The following TMPRSS2 variants were observed in gnomAD, a reference collection of about 807,000 sequenced individuals.
TMPRSS2 encodes transmembrane serine protease 2.
Under a neutral mutation model 67.4 loss-of-function variants are expected in TMPRSS2, and 59 were observed. The observed-to-expected ratio is 0.88, with a 90% CI of 0.71 to 1.09. The LOEUF (loss-of-function observed/expected upper bound fraction) is 1.09, where lower values mean the gene tolerates loss of function less well. TMPRSS2 is among the 50% of genes least tolerant of loss of function. The pLI, the probability that TMPRSS2 is intolerant of heterozygous loss-of-function variation, is 0.00. For synonymous variants in TMPRSS2, 257 were observed against 257.0 expected, an observed-to-expected ratio of 1.00 and a Z score of 0.00; for missense variants, 668 against 642.7, an observed-to-expected ratio of 1.04 and a Z score of -0.43.
chr21:41,476,921 T>C (rs745559613), intron 7 of TMPRSS2, among the ~76,000 whole-genome samples: 3 of 152,228 alleles, frequency 2.0e-5, no homozygotes, highest in East Asian at 1.9e-4. Flanking sequence ...ACAATAATGC[T>C]AGTTTTGTTT....
At chr21:41,500,773 C>G (rs966383385) in intron 1 of TMPRSS2, among the ~76,000 whole-genome samples, 1 of 152,200 alleles carries the variant, frequency 6.6e-6, no homozygotes, top group Non-Finnish European at 1.5e-5. Flanking sequence ...GTATCAAAAA[C>G]GTTTAAGCCT....
intron 3 of TMPRSS2, among the ~76,000 whole-genome samples, chr21:41,492,380 C>G (rs2091344892): frequency 6.6e-6 from 1 of 152,192 alleles, no homozygotes; most frequent in South Asian, 2.1e-4. Flanking sequence ...AAGGTTTAAG[C>G]TGTGTGTTCG....
intron 7 of TMPRSS2, among the ~76,000 whole-genome samples, chr21:41,477,372 G>T (rs1032821734): frequency 9.2e-5 from 14 of 152,264 alleles, no homozygotes; most frequent in Non-Finnish European, 1.9e-4. Flanking sequence ...ACAAAATCAC[G>T]ATCTGATGTC....
At chr21:41,476,882 G>A (rs1433627743) in intron 7 of TMPRSS2, among the ~76,000 whole-genome samples, 2 of 152,202 alleles carry the variant, frequency 1.3e-5, no homozygotes, top group Non-Finnish European at 2.9e-5. Flanking sequence ...AATTGTACCA[G>A]CTCCTAGGAC....
At position 41,478,082 on chromosome 21, in the gene TMPRSS2, C is replaced by G. The variant is rs946553972; in HGVS notation, c.683+1090G>C. On this transcript the variant is annotated intron_variant, in intron 7 of 13. Transcript: ENST00000332149. This position sits in a 1 kb window ranked among gnomAD's most constrained non-coding sequence, Gnocchi z 4.0. ...CCCAGAAAGACAAAGAACCACTCAG[C>G]ATTTACAAAGTGCCCAGGCAGCTGT... Among the ~76,000 whole-genome samples the G allele has an allele frequency of 6.6e-6, 1 of 152,254 alleles. No individual in the cohort carries two copies. Among genetic ancestry groups the G allele is most frequent in the African/African-American group, 2.4e-5 (1 of 41,468 alleles).
rs371006143 is a variant in TMPRSS2 at position 41,494,571 on chromosome 21, G to T, written c.23C>A (p.Pro8Gln). ...TTCATAGTAAGGTCCAATAGCTGGT[G>T]GTGACCCCTAAACAGTTGAAAAGAA... MALNSGS[P>Q]PAIGPYYENH... The change falls in exon 3 of 14, where the codon CCA becomes CAA. Residue 8 changes from proline (P) to glutamine (Q), a missense_variant. Coordinates refer to ENST00000332149, the MANE Select transcript of TMPRSS2 (RefSeq NM_005656.4). 3.7e-6 allele frequency: 6 copies of T among 1,613,336 alleles called. No homozygotes were observed. Among genetic ancestry groups the T allele is most frequent in the Non-Finnish European group, 5.1e-6 (6 of 1,179,884 alleles).
At chr21:41,473,592 G>A (rs1427497410) in intron 8 of TMPRSS2, 96 bp from the exon 9 acceptor site, 25 of 1,336,442 alleles carry the variant, frequency 1.9e-5, no homozygotes, top group Non-Finnish European at 2.5e-5. Context: ...CAGGCTGCAA[G>A]GACAGGGCAG....
chr21:41,467,735 C>T lies in TMPRSS2; in HGVS notation c.1466G>A (p.Arg489Lys). ...TCAGAAGGAGGACAGGATAGTTACC[C>T]TCATTTGTCGATAAATCCAGTCCGT... ...VFTDWIYRQM[R>K]ADG The change falls in exon 13 of 14, where the codon AGG (arginine) becomes AAG (lysine). Residue 489 changes from arginine (R) to lysine (K), a missense_variant and splice_region_variant. By Grantham distance (26) the Arg-to-Lys change is conservative (BLOSUM62 2). Transcript: ENST00000332149. The T allele has an allele frequency of 1.2e-6, 2 of 1,614,074 alleles. No homozygotes were observed. The highest frequency in any genetic ancestry group is 1.7e-6 in the Non-Finnish European group (2 of 1,179,956).
chr21:41,488,633 GTGTTTTGTTT>G (rs528452128), intron 4 of TMPRSS2, 120 bp from the exon 5 acceptor site: 7 of 1,184,924 alleles, frequency 5.9e-6, no homozygotes, highest in Admixed American at 4.6e-5. Context: ...TGGCCCCACT[GTGTTTTGTTT>G]TGTTTTGTTT....
At chr21:41,484,018 C>G (rs1347483409) in intron 5 of TMPRSS2, among the ~76,000 whole-genome samples, 2 of 151,994 alleles carry the variant, frequency 1.3e-5, no homozygotes, top group Admixed American at 6.6e-5. Flanking sequence ...TTTCAGGAGG[C>G]TGAGGGGGAA....
intron 3 of TMPRSS2, among the ~76,000 whole-genome samples, chr21:41,490,908 G>A (rs1342738610): frequency 1.3e-5 from 2 of 152,332 alleles, no homozygotes; most frequent in African/African-American, 2.4e-5. Flanking sequence ...GAGAGGTGGT[G>A]TGGCAGCCTG....
At chr21:41,490,731 G>C (rs1012269515) in intron 3 of TMPRSS2, among the ~76,000 whole-genome samples, 1 of 152,248 alleles carries the variant, frequency 6.6e-6, no homozygotes, top group South Asian at 2.1e-4. Context: ...AGAGTCAGAC[G>C]CTGGGCTCAG....
chr21:41,483,535 C>A (rs1283727619), intron 5 of TMPRSS2, among the ~76,000 whole-genome samples: 2 of 151,722 alleles, frequency 1.3e-5, no homozygotes, highest in African/African-American at 4.8e-5. Flanking sequence ...CCACCCCCTC[C>A]GCCCCCCACC....
chr21:41,492,289 C>T (rs1018765555), intron 3 of TMPRSS2, among the ~76,000 whole-genome samples: 2 of 152,238 alleles, frequency 1.3e-5, no homozygotes, highest in African/African-American at 2.4e-5. Context: ...GTTGTCAACT[C>T]AGCCTCATGG....
rs61735789 is a variant in TMPRSS2 at position 41,480,508 on chromosome 21, G to T, written c.540C>A (p.Tyr180Ter). ...CCATGTCCCTGCAGGCCGCCCGCCC[G>T]TAGTTCTCGTTCCAGTCGTCTTGGC... ...PVCQDDWNEN[Y>*]GRAACRDMGY... The change falls in exon 6 of 14, where the codon TAC becomes TAA. Residue 180 changes from tyrosine to a stop codon, truncating the protein, a stop_gained. Transcript: ENST00000332149. LOFTEE classifies it high-confidence loss of function. 2 of 1,613,678 alleles carry T rather than the reference G, an allele frequency of 1.2e-6. No individual in the cohort carries two copies. Among genetic ancestry groups the T allele is most frequent in the African/African-American group, 1.3e-5 (1 of 75,068 alleles).
rs768426172 is a variant in TMPRSS2 at position 41,489,546 on chromosome 21, C to T, written c.286G>A (p.Val96Met). The change falls in exon 4 of 14, where the codon GTG (valine) becomes ATG (methionine). Residue 96 changes from valine to methionine, a missense_variant. By Grantham distance (21) the Val-to-Met change is conservative (BLOSUM62 1). Coordinates refer to ENST00000332149, the MANE Select transcript of TMPRSS2 (RefSeq NM_005656.4). ...AGGCCAGCGGCCAGCGCAGCTCCCA[C>T]GAGGAAGGTCCCCAGGGTCAAGGTG... ...CITLTLGTFL[V>M]GAALAAGLLW... 14 of 1,613,982 alleles carry T rather than the reference C, an allele frequency of 8.7e-6. No individual in the cohort carries two copies. Among genetic ancestry groups the T allele is most frequent in the East Asian group, 2.2e-5 (1 of 44,892 alleles).
At chr21:41,480,416 G>A (rs1156817470) in intron 6 of TMPRSS2, 60 bp downstream of exon 6, 1 of 1,592,994 alleles carries the variant, frequency 6.3e-7, no homozygotes, top group Non-Finnish European at 8.6e-7. Context: ...GCAGAGAGAG[G>A]GTCTTCTCGT....
chr21:41,502,493 T>C, intron 1 of TMPRSS2: 1 of 985,354 alleles, frequency 1.0e-6, no homozygotes, highest in Non-Finnish European at 1.2e-6. Flanking sequence ...GTGCCCCTTC[T>C]TCAAAATCCA....
intron 5 of TMPRSS2, among the ~76,000 whole-genome samples, chr21:41,484,954 G>A (rs542230332): frequency 1.3e-5 from 2 of 152,138 alleles, no homozygotes; most frequent in Non-Finnish European, 2.9e-5. Context: ...GGGAAATAGG[G>A]TCATGGTAAC....
Sources: gnomAD v4.1 joint callset for allele counts (sites outside exome capture counted in the v4.1 genomes callset) on GRCh38, gnomAD v4.1.1 for gene constraint, Gnocchi (gnomAD v3.1) non-coding constraint, MANE v1.5 for transcripts, NCBI Gene and HGNC (gene_info 2026-07-23, HGNC 2026-07-21) for gene names.